PDE11A: variants seen among roughly 807,000 people sequenced by gnomAD.
PDE11A encodes the protein dual 3',5'-cyclic-AMP and -GMP phosphodiesterase 11A.
A neutral mutation model predicts 100.5 loss-of-function variants in PDE11A; 100 were observed. The ratio of observed to expected loss-of-function variants is 1.00; its 90% CI spans 0.85 to 1.18. The LOEUF is 1.18. Among genes scored for constraint, PDE11A ranks in the 50% most tolerant of loss-of-function variants. The pLI is 0.00. For synonymous variants in PDE11A, 381 were observed against 420.8 expected, an observed-to-expected ratio of 0.91 and a Z score of 1.16; for missense variants, 1,141 against 1,152.6, an observed-to-expected ratio of 0.99 and a Z score of 0.15.
intron 12 of PDE11A, among the ~76,000 whole-genome samples, chr2:177,720,234 A>C (rs2081506284): frequency 6.6e-6 from 1 of 152,180 alleles, no homozygotes; most frequent in Non-Finnish European, 1.5e-5. Flanking sequence ...CAAGGCAATA[A>C]TATTGAGCAG....
upstream of PDE11A, among the ~76,000 whole-genome samples, chr2:178,076,235 A>C (rs1448072019): frequency 6.6e-6 from 1 of 152,212 alleles, no homozygotes; most frequent in East Asian, 1.9e-4. Context: ...TTGTCCAAGT[A>C]GCCTCTCATT....
intron 11 of PDE11A, 93 bp downstream of exon 11, chr2:177,727,933 A>G: frequency 8.5e-7 from 1 of 1,180,432 alleles, no homozygotes. Context: ...AGGGATTATC[A>G]TCCCCATTTT....
intron 13 of PDE11A, among the ~76,000 whole-genome samples, chr2:177,710,765 A>G (rs2081347961): frequency 1.3e-5 from 2 of 152,214 alleles, no homozygotes; most frequent in Non-Finnish European, 2.9e-5. Context: ...CAAGAGTCCA[A>G]GACTCCTGAA....
intron 2 of PDE11A, among the ~76,000 whole-genome samples, chr2:177,950,022 T>G (rs1358803972): frequency 1.3e-5 from 2 of 152,236 alleles, no homozygotes; most frequent in Non-Finnish European, 2.9e-5. Flanking sequence ...GTGTATAACT[T>G]AAAGTACTGA....
chr2:177,639,105 C>T (rs964120125), intron 19 of PDE11A, among the ~76,000 whole-genome samples: 3 of 152,214 alleles, frequency 2.0e-5, no homozygotes, highest in Non-Finnish European at 2.9e-5. Context: ...TGGATTCCCC[C>T]TGCCTGTGCC....
intron 1 of PDE11A, among the ~76,000 whole-genome samples, chr2:178,019,806 T>C (rs1342019453): frequency 1.3e-5 from 2 of 152,212 alleles, no homozygotes; most frequent in Admixed American, 6.5e-5. Context: ...CCTCAGATTT[T>C]AACTTGAGAA....
intron 2 of PDE11A, among the ~76,000 whole-genome samples, chr2:178,004,923 T>G (rs994665400): frequency 2.6e-5 from 4 of 152,150 alleles, no homozygotes; most frequent in African/African-American, 9.7e-5. Flanking sequence ...AACTTAATAC[T>G]CATAAGAAGA....
intron 2 of PDE11A, among the ~76,000 whole-genome samples, chr2:177,967,534 T>C (rs537411025): frequency 2.0e-5 from 3 of 152,046 alleles, no homozygotes; most frequent in Non-Finnish European, 2.9e-5. Flanking sequence ...ATAATAAAGG[T>C]TTTTTGATTG....
chr2:177,996,782 T>A (rs2086081287), intron 2 of PDE11A, among the ~76,000 whole-genome samples: 1 of 152,116 alleles, frequency 6.6e-6, no homozygotes, highest in Non-Finnish European at 1.5e-5. Flanking sequence ...TCTCCATATA[T>A]TGGGCAAAAC....
chr2:177,893,264 C>T (rs188721026), intron 4 of PDE11A, among the ~76,000 whole-genome samples: 7 of 152,240 alleles, frequency 4.6e-5, no homozygotes, highest in Admixed American at 1.3e-4. Flanking sequence ...CAGAATAACC[C>T]TGCTATAAAT....
At chr2:177,655,575 G>A (rs1298881766) in intron 19 of PDE11A, among the ~76,000 whole-genome samples, 3 of 151,830 alleles carry the variant, frequency 2.0e-5, no homozygotes, top group Non-Finnish European at 2.9e-5. Flanking sequence ...GTCTTGCTCT[G>A]TCACCCAGGC....
chr2:177,857,664 G>A (rs1189522312), intron 5 of PDE11A, among the ~76,000 whole-genome samples: 1 of 151,772 alleles, frequency 6.6e-6, no homozygotes, highest in Non-Finnish European at 1.5e-5. Context: ...ATACAGAAAA[G>A]GCAAATGTAA....
chr2:177,807,666 T>C (rs1255849255), intron 9 of PDE11A, among the ~76,000 whole-genome samples: 1 of 152,176 alleles, frequency 6.6e-6, no homozygotes, highest in Non-Finnish European at 1.5e-5. Context: ...GCTCAAGTGA[T>C]CCTCCTGCCT....
At chr2:177,719,146 G>A (rs960294958) in intron 12 of PDE11A, among the ~76,000 whole-genome samples, 4 of 152,104 alleles carry the variant, frequency 2.6e-5, no homozygotes, top group African/African-American at 9.7e-5. Context: ...GCACACCCTT[G>A]CCATGTGTGC....
rs182763260 is a variant in PDE11A, at chr2:178,006,588, G to A, written c.1071+7714C>T. 2.3e-3 allele frequency among the ~76,000 whole-genome samples: 345 copies of A among 152,266 alleles called. 2 individuals are homozygous for A. The highest frequency in any genetic ancestry group is 7.9e-3 in the African/African-American group (327 of 41,538). ...TGAAGTTTAACCTGAGTTCTGGCAGGTGCTGTGTTGGTAATAGTTTTCCCA... is the reference window on the plus strand; with the variant it reads ...TGAAGTTTAACCTGAGTTCTGGCAGATGCTGTGTTGGTAATAGTTTTCCCA... On this transcript the variant is annotated intron_variant, in intron 2 of 19. Coordinates refer to ENST00000286063, the MANE Select transcript of PDE11A (RefSeq NM_016953.4).
intron 9 of PDE11A, among the ~76,000 whole-genome samples, chr2:177,801,463 G>T (rs2082794877): frequency 6.6e-6 from 1 of 152,094 alleles, no homozygotes; most frequent in Admixed American, 6.6e-5. Context: ...AACAGAGATG[G>T]TTAAAATGTG....
intron 12 of PDE11A, 145 bp from the exon 13 acceptor site, chr2:177,712,023 T>C (rs2081366093): frequency 1.6e-6 from 1 of 637,282 alleles, no homozygotes; most frequent in Non-Finnish European, 2.9e-6. Flanking sequence ...CAACAGTAAG[T>C]TGGGTGGTCA....
chr2:178,062,152 C>A lies in PDE11A; in HGVS notation c.912+9374G>T, dbSNP rs116509454. ...TGCCTCAGCTTCCAGCTGTTCGTCT[C>A]CCTGCTTGGTTAATTCATGGCACAT... On this transcript the variant is annotated intron_variant, in intron 1 of 19. Coordinates refer to ENST00000286063, the MANE Select transcript of PDE11A (RefSeq NM_016953.4). Among the ~76,000 whole-genome samples the A allele has an allele frequency of 5.0e-3, 760 of 152,204 alleles. 2 individuals are homozygous for A. The highest frequency in any genetic ancestry group is 0.018 in the African/African-American group (727 of 41,530).
chr2:177,773,586 T>C (rs769789463), intron 9 of PDE11A, among the ~76,000 whole-genome samples: 1 of 152,212 alleles, frequency 6.6e-6, no homozygotes, highest in Non-Finnish European at 1.5e-5. Flanking sequence ...ATTAAGTACA[T>C]AGGAATTTAT....
Sources: allele counts gnomAD v4.1 joint callset (sites outside exome capture counted in the v4.1 genomes callset), GRCh38; gene constraint gnomAD v4.1.1; transcripts MANE v1.5; gene names NCBI Gene and HGNC (gene_info 2026-07-23, HGNC 2026-07-21).